CCDC91: variants seen among roughly 807,000 people sequenced by gnomAD.
The protein encoded by CCDC91 is coiled-coil domain containing 91.
Under a neutral mutation model 63.2 loss-of-function variants are expected in CCDC91, and 48 were observed. The observed-to-expected ratio is 0.76, with a 90% CI of 0.60 to 0.97. The LOEUF is 0.97. Among genes scored for constraint, CCDC91 ranks in the 50% least tolerant of loss-of-function variants. The pLI, the probability that CCDC91 is intolerant of heterozygous loss-of-function variation, is 0.00. For synonymous variants in CCDC91, 167 were observed against 165.8 expected, an observed-to-expected ratio of 1.01 and a Z score of -0.06; for missense variants, 500 against 494.6, an observed-to-expected ratio of 1.01 and a Z score of -0.10.
chr12:28,277,344 G>C (rs1371122947), intron 3 of CCDC91, among the ~76,000 whole-genome samples: 2 of 151,720 alleles, frequency 1.3e-5, no homozygotes, highest in African/African-American at 4.8e-5. Flanking sequence ...ATAAATTTTT[G>C]GTATGTCAGA....
Position 28,450,381 on chromosome 12 carries a change from G to C in CCDC91, c.887G>C (p.Arg296Thr). Reference protein sequence around the residue: ...EILEKCLEEERQRNKEALVSA... With the variant: ...EILEKCLEEETQRNKEALVSA... The stretch of plus-strand genomic sequence containing the variant: ...TTGGAAAAGTGTTTGGAGGAAGAAA[G>C]GCAAAGAAATAAAGAGGCATTAGTA... The change falls in exon 10 of 13, where the codon AGG becomes ACG. Residue 296 changes from arginine to threonine, a missense_variant. By Grantham distance (71) the Arg-to-Thr change is moderately conservative. Coordinates refer to ENST00000536442, the MANE Select transcript of CCDC91 (RefSeq NM_018318.5). 1 of 1,612,204 alleles carries C rather than the reference G, an allele frequency of 6.2e-7. No individual in the cohort carries two copies. Among genetic ancestry groups the C allele is most frequent in the Non-Finnish European group, 8.5e-7 (1 of 1,178,622 alleles).
At chr12:28,495,127 A>G (rs1238691380) in intron 12 of CCDC91, among the ~76,000 whole-genome samples, 1 of 151,720 alleles carries the variant, frequency 6.6e-6, no homozygotes, top group Non-Finnish European at 1.5e-5. Flanking sequence ...TTTCTCCAGT[A>G]TAGCTACCTT....
At chr12:28,322,705 TAGAA>T (rs1266208530) in intron 6 of CCDC91, among the ~76,000 whole-genome samples, 2 of 151,766 alleles carry the variant, frequency 1.3e-5, no homozygotes, top group African/African-American at 4.8e-5. Flanking sequence ...ATCCATAACT[TAGAA>T]AGTAAAAGAT....
intron 12 of CCDC91, among the ~76,000 whole-genome samples, chr12:28,538,391 A>C (rs1016660134): frequency 2.0e-5 from 3 of 151,776 alleles, no homozygotes; most frequent in Non-Finnish European, 4.4e-5. Context: ...TTTGCTGAGA[A>C]TGATGGTTTT....
rs188498667 is a variant in CCDC91, at chr12:28,544,340, C to T, written c.1216-4723C>T. On this transcript the variant is annotated intron_variant, in intron 12 of 12. Coordinates refer to ENST00000536442, the MANE Select transcript of CCDC91 (RefSeq NM_018318.5). Reference sequence around the variant, plus strand: ...TCTTTCCCCATGTTTTTAGATAGCTCCCTTCTTGTCTCTTTTCAAGTCTCT... The same window carrying T: ...TCTTTCCCCATGTTTTTAGATAGCTTCCTTCTTGTCTCTTTTCAAGTCTCT... Among the ~76,000 whole-genome samples, 883 of 151,920 alleles carry T rather than the reference C, an allele frequency of 5.8e-3. 8 individuals carry two copies. Among genetic ancestry groups the T allele is most frequent in the Middle Eastern group, 0.054 (16 of 294 alleles).
chr12:28,391,241 C>T (rs1407617175), intron 7 of CCDC91, 63 bp from the exon 8 acceptor site: 21 of 897,252 alleles, frequency 2.3e-5, no homozygotes, highest in East Asian at 9.8e-5. Context: ...AAAATATTCT[C>T]GTGCCAACAG....
intron 7 of CCDC91, among the ~76,000 whole-genome samples, chr12:28,367,729 G>A (rs1944365668): frequency 6.6e-6 from 1 of 152,072 alleles, no homozygotes; most frequent in Non-Finnish European, 1.5e-5. Flanking sequence ...GCTTGACTGG[G>A]CAATGGTTTC....
At chr12:28,380,858 T>C (rs1010542713) in intron 7 of CCDC91, among the ~76,000 whole-genome samples, 10 of 152,128 alleles carry the variant, frequency 6.6e-5, no homozygotes, top group African/African-American at 2.4e-4. Flanking sequence ...TTTTCAGTAT[T>C]AGAGAAAAGC....
intron 7 of CCDC91, among the ~76,000 whole-genome samples, chr12:28,370,021 C>G (rs895647693): frequency 4.6e-5 from 7 of 152,196 alleles, no homozygotes; most frequent in Non-Finnish European, 1.0e-4. Flanking sequence ...TTTAAAATGC[C>G]CTGAAGACAT....
intron 12 of CCDC91, among the ~76,000 whole-genome samples, chr12:28,485,767 T>A (rs529162576): frequency 6.6e-6 from 1 of 152,184 alleles, no homozygotes; most frequent in Non-Finnish European, 1.5e-5. Context: ...AGGAGTATTA[T>A]GTTCTCAGAA....
intron 8 of CCDC91, among the ~76,000 whole-genome samples, chr12:28,421,992 A>G (rs1383952384): frequency 1.3e-5 from 2 of 152,116 alleles, no homozygotes; most frequent in Non-Finnish European, 2.9e-5. Flanking sequence ...ATTTGCCTAT[A>G]CATACTTTGT....
intron 8 of CCDC91, among the ~76,000 whole-genome samples, chr12:28,428,087 T>C (rs1187940729): frequency 6.6e-6 from 1 of 152,090 alleles, no homozygotes. Context: ...TATCAAGCAA[T>C]CTGTCTTTTA....
chr12:28,454,915 G>A (rs1949990664), intron 11 of CCDC91, among the ~76,000 whole-genome samples: 1 of 152,012 alleles, frequency 6.6e-6, no homozygotes. Context: ...TTCCCACAAA[G>A]GGTATTTGTG....
intron 6 of CCDC91, among the ~76,000 whole-genome samples, chr12:28,333,289 G>A (rs765201231): frequency 6.6e-6 from 1 of 151,734 alleles, no homozygotes. Context: ...CAGCTGCTCG[G>A]GAGGCTGAGG....
chr12:28,278,900 T>C (rs1414828883), intron 3 of CCDC91, among the ~76,000 whole-genome samples: 3 of 152,054 alleles, frequency 2.0e-5, no homozygotes, highest in Non-Finnish European at 4.4e-5. Flanking sequence ...AAAAGTATTG[T>C]GAAAATCAAG....
At chr12:28,367,514 A>G (rs1181042334) in intron 7 of CCDC91, among the ~76,000 whole-genome samples, 1 of 152,344 alleles carries the variant, frequency 6.6e-6, no homozygotes, top group East Asian at 1.9e-4. Context: ...TGAAAGACCT[A>G]AAATTTATGT....
chr12:28,349,945 T>C (rs965588816), intron 6 of CCDC91, among the ~76,000 whole-genome samples: 2 of 152,196 alleles, frequency 1.3e-5, no homozygotes, highest in African/African-American at 4.8e-5. Flanking sequence ...GGATTCCTTT[T>C]ACCTACTCTT....
At position 28,411,958 on chromosome 12, in the gene CCDC91, C is replaced by G. The variant is rs558943551; in HGVS notation, c.762+20547C>G. ...GACACCTCTCACTAGGCCCTACCCC[C>G]CAACACCACCACATTGGAGATCACA... On this transcript the variant is annotated intron_variant, in intron 8 of 12. Transcript: ENST00000536442. Among the ~76,000 whole-genome samples the G allele has an allele frequency of 1.1e-4, 17 of 152,276 alleles. No homozygotes were observed. The South Asian group carries it at 1.9e-3, about 17-fold the overall frequency.
chr12:28,499,129 T>A (rs1387708281), intron 12 of CCDC91, among the ~76,000 whole-genome samples: 3 of 151,592 alleles, frequency 2.0e-5, no homozygotes, highest in African/African-American at 7.3e-5. Flanking sequence ...TTGAGTTATT[T>A]CAAGTCTTCT....
Sources: gnomAD v4.1 joint callset for allele counts (sites outside exome capture counted in the v4.1 genomes callset) on GRCh38, gnomAD v4.1.1 for gene constraint, MANE v1.5 for transcripts, NCBI Gene and HGNC (gene_info 2026-07-23, HGNC 2026-07-21) for gene names.